The following SLC35F4 variants were observed in gnomAD, a reference collection of about 807,000 sequenced individuals.
SLC35F4 encodes solute carrier family 35 member F4, also known as chromosome 14 open reading frame 36.
A neutral mutation model predicts 44.2 loss-of-function variants in SLC35F4; 24 were observed. The ratio of observed to expected loss-of-function variants is 0.54; its 90% CI spans 0.39 to 0.76. The LOEUF is 0.76. Among genes scored for constraint, SLC35F4 ranks in the 30% least tolerant of loss-of-function variants. The probability of loss-of-function intolerance (pLI) is 0.00; values close to 1 mark genes in which losing one functional copy is unlikely to be tolerated. For synonymous variants in SLC35F4, 238 were observed against 223.6 expected (o/e 1.06, Z -0.57); for missense variants, 562 against 586.1 (o/e 0.96, Z 0.42).
At chr14:57,872,222 A>C (rs922107263) in intron 1 of SLC35F4, among the ~76,000 whole-genome samples, 4 of 152,230 alleles carry the variant, frequency 2.6e-5, no homozygotes, top group African/African-American at 9.6e-5. Flanking sequence ...ATCTGCAGGA[A>C]ATATATTCAC....
At chr14:57,948,773 T>C (rs1209663662) in intron 1 of SLC35F4, among the ~76,000 whole-genome samples, 2 of 152,196 alleles carry the variant, frequency 1.3e-5, no homozygotes, top group Non-Finnish European at 2.9e-5. Flanking sequence ...TTAATTTCCA[T>C]GTTGATTTCA....
chr14:57,926,758 C>T (rs146352768), intron 1 of SLC35F4, among the ~76,000 whole-genome samples: 2 of 150,412 alleles, frequency 1.3e-5, no homozygotes, highest in Non-Finnish European at 3.0e-5. Flanking sequence ...TAGCCAAAGG[C>T]ACAGTGATGC....
chr14:57,773,861 G>C, intron 1 of SLC35F4, among the ~76,000 whole-genome samples: 1 of 152,172 alleles, frequency 6.6e-6, no homozygotes, highest in African/African-American at 2.4e-5. Context: ...GTATGCACTA[G>C]TCACAGGAGC....
At chr14:57,604,720 C>G (rs994936708) in intron 1 of SLC35F4, among the ~76,000 whole-genome samples, 46 of 152,112 alleles carry the variant, frequency 3.0e-4, no homozygotes, top group Non-Finnish European at 3.4e-4. Context: ...TACAAGGCTA[C>G]AGTAAACAAA....
rs991531323 is a variant in SLC35F4 at position 57,792,232 on chromosome 14, A to G, written c.103+73491T>C. Among the ~76,000 whole-genome samples, 3 of 152,140 alleles carry G rather than the reference A, an allele frequency of 2.0e-5. No individual in the cohort carries two copies. The South Asian group carries it at 6.2e-4, about 31-fold the overall frequency. On this transcript the variant is annotated intron_variant, in intron 1 of 7. Transcript: ENST00000556826. ...GCGATACTACCTCACTCCTGCAAGAATATCTATAATCAAAAAATAAAAAAC... is the reference window on the plus strand; with the variant it reads ...GCGATACTACCTCACTCCTGCAAGAGTATCTATAATCAAAAAATAAAAAAC...
intron 1 of SLC35F4, among the ~76,000 whole-genome samples, chr14:57,784,692 G>A (rs1056677239): frequency 2.6e-5 from 4 of 152,002 alleles, no homozygotes; most frequent in Admixed American, 2.6e-4. Flanking sequence ...AACAAAACAA[G>A]AAACATTTTT....
chr14:57,879,423 G>A (rs1024272692), intron 1 of SLC35F4, among the ~76,000 whole-genome samples: 3 of 151,900 alleles, frequency 2.0e-5, no homozygotes, highest in Admixed American at 2.0e-4. Flanking sequence ...TGAGCCCTAG[G>A]AGTCCCTCAA....
At chr14:57,670,330 T>C (rs2074471409) in intron 1 of SLC35F4, among the ~76,000 whole-genome samples, 1 of 152,138 alleles carries the variant, frequency 6.6e-6, no homozygotes, top group Non-Finnish European at 1.5e-5. Context: ...CTCTATTTCC[T>C]TCAGTTGTGC....
chr14:57,924,531 C>T (rs1889511489), intron 1 of SLC35F4, among the ~76,000 whole-genome samples: 1 of 152,050 alleles, frequency 6.6e-6, no homozygotes, highest in Admixed American at 6.5e-5. Flanking sequence ...TCACTGCAAG[C>T]TCCGCCTCCT....
At chr14:57,629,945 GGA>G (rs2072683679) in intron 1 of SLC35F4, 1 of 503,198 alleles carries the variant, frequency 2.0e-6, no homozygotes, top group Non-Finnish European at 4.0e-6. Flanking sequence ...CTCTTCTTCA[GGA>G]ATGTGGCCGA....
intron 1 of SLC35F4, among the ~76,000 whole-genome samples, chr14:57,820,459 G>GA (rs57733489): frequency 0.029 from 4,342 of 152,208 alleles, 119 homozygotes; most frequent in African/African-American, 0.075. Flanking sequence ...CCACAGCGGA[G>GA]AAAAAATAAC....
At chr14:57,976,913 C>T (rs1881234040) in exon 2 of SLC35F4, 1 of 152,192 alleles carries the variant, frequency 6.6e-6, no homozygotes, top group South Asian at 2.1e-4. Flanking sequence ...ATTCTGCAGA[C>T]ATCACATTTG....
intron 1 of SLC35F4, among the ~76,000 whole-genome samples, chr14:57,953,113 AAG>A (rs1240140270): frequency 2.0e-5 from 3 of 152,202 alleles, no homozygotes. Context: ...TACGAACCAG[AAG>A]AGAGTGGGAA....
intron 1 of SLC35F4, among the ~76,000 whole-genome samples, chr14:57,964,991 A>AATATATATATATATATATATATATAT (rs1212108605): frequency 3.5e-5 from 4 of 115,668 alleles, no homozygotes; most frequent in African/African-American, 1.5e-4. Flanking sequence ...AAAAAAAAAA[A>AATATATATATATATATATATATATAT]ATATATATAT....
At chr14:57,695,340 C>A (rs989869139) in intron 1 of SLC35F4, among the ~76,000 whole-genome samples, 34 of 151,384 alleles carry the variant, frequency 2.2e-4, no homozygotes, top group Non-Finnish European at 4.1e-4. Flanking sequence ...AACAAACAAC[C>A]CCATCAAAAA....
chr14:57,952,257 T>C (rs1010424125), intron 1 of SLC35F4, among the ~76,000 whole-genome samples: 6 of 152,014 alleles, frequency 3.9e-5, no homozygotes, highest in African/African-American at 1.4e-4. Context: ...ACAAAAAGGA[T>C]GTCCACACAA....
chr14:57,637,719 T>C (rs1373907928), intron 1 of SLC35F4, among the ~76,000 whole-genome samples: 1 of 152,098 alleles, frequency 6.6e-6, no homozygotes, highest in Non-Finnish European at 1.5e-5. Flanking sequence ...ATACAAACAT[T>C]ATTACAAACA....
intron 1 of SLC35F4, among the ~76,000 whole-genome samples, chr14:57,785,489 CCA>C (rs1367885853): frequency 6.6e-6 from 1 of 152,146 alleles, no homozygotes; most frequent in African/African-American, 2.4e-5. Context: ...AATTTTAGCT[CCA>C]GATAACTGTA....
intron 1 of SLC35F4, among the ~76,000 whole-genome samples, chr14:57,942,170 G>A (rs1178561087): frequency 3.9e-5 from 6 of 152,108 alleles, no homozygotes; most frequent in Non-Finnish European, 8.8e-5. Context: ...CATTTTCCTT[G>A]CCGCAAAGCT....
Sources: gnomAD v4.1 joint callset for allele counts (sites outside exome capture counted in the v4.1 genomes callset) on GRCh38, gnomAD v4.1.1 for gene constraint, MANE v1.5 for transcripts, NCBI Gene and HGNC (gene_info 2026-07-23, HGNC 2026-07-21) for gene names.